PCCA: variants seen among roughly 807,000 people sequenced by gnomAD.
PCCA encodes propionyl-CoA carboxylase subunit alpha.
In PCCA, 74 loss-of-function variants were observed where a neutral mutation model predicts 101.3. That is an observed-to-expected ratio of 0.73 (90% CI 0.61 to 0.89). The LOEUF is 0.89. Among genes scored for constraint, PCCA ranks in the 40% least tolerant of loss-of-function variants. The probability of loss-of-function intolerance (pLI) is 0.00; values close to 1 mark genes in which losing one functional copy is unlikely to be tolerated. For missense variants in PCCA, 891 were observed against 907.0 expected (o/e 0.98, Z 0.23); for synonymous variants, 294 against 313.6 (o/e 0.94, Z 0.66).
chr13:100,440,209 T>TATATATATATA (rs1348343858), intron 20 of PCCA, among the ~76,000 whole-genome samples: 3 of 107,492 alleles, frequency 2.8e-5, no homozygotes, highest in African/African-American at 3.9e-5. Context: ...TATATATATA[T>TATATATATATA]AAAACGTGAT....
chr13:100,199,311 T>G (rs1594687204), intron 6 of PCCA, among the ~76,000 whole-genome samples: 1 of 152,170 alleles, frequency 6.6e-6, no homozygotes, highest in Admixed American at 6.6e-5. Context: ...TAAAAATAAT[T>G]TTATTGTCCA....
intron 17 of PCCA, among the ~76,000 whole-genome samples, chr13:100,335,102 A>C (rs2070234239): frequency 6.6e-6 from 1 of 152,222 alleles, no homozygotes; most frequent in Admixed American, 6.5e-5. Context: ...TACATAGGAA[A>C]GAATTTGACT....
intron 11 of PCCA, among the ~76,000 whole-genome samples, chr13:100,270,413 T>C (rs75175325): frequency 0.015 from 2,243 of 152,272 alleles, 65 homozygotes; most frequent in African/African-American, 0.051. Flanking sequence ...CTTGACTGAT[T>C]ATCAATTCCA....
chr13:100,473,957 C>T (rs1197954384), intron 21 of PCCA, among the ~76,000 whole-genome samples: 1 of 152,168 alleles, frequency 6.6e-6, no homozygotes, highest in Non-Finnish European at 1.5e-5. Context: ...CTTACTGTGA[C>T]TTTTTTGTGG....
chr13:100,494,189 AAAATAAAT>A (rs3058405), intron 21 of PCCA, among the ~76,000 whole-genome samples: 3 of 151,850 alleles, frequency 2.0e-5, no homozygotes, highest in Admixed American at 6.6e-5. Context: ...TCTGTCTCAA[AAAATAAAT>A]AAATAAATAA....
chr13:100,422,099 TTTC>T (rs1212199411), intron 19 of PCCA, among the ~76,000 whole-genome samples: 1,782 of 141,714 alleles, frequency 0.013, 53 homozygotes, highest in African/African-American at 0.049. Flanking sequence ...TCTTTCTTTC[TTTC>T]TTTCTTTCTT....
chr13:100,213,164 ATGTTGGCTATTGTGGATAGTGT>A (rs2059325328), intron 7 of PCCA, among the ~76,000 whole-genome samples: 1 of 152,174 alleles, frequency 6.6e-6, no homozygotes, highest in African/African-American at 2.4e-5. Context: ...TTGCTTCCAA[ATGTTGGCTATTGTGGATAGTGT>A]TGTGGTAAAC....
At chr13:100,492,142 T>TC (rs1224356333) in intron 21 of PCCA, among the ~76,000 whole-genome samples, 1 of 145,262 alleles carries the variant, frequency 6.9e-6, no homozygotes, top group African/African-American at 2.5e-5. Context: ...TCTCTCTCTC[T>TC]TTTTTTTTTT....
chr13:100,178,049 T>TC (rs2056405806), intron 6 of PCCA, among the ~76,000 whole-genome samples: 1 of 152,156 alleles, frequency 6.6e-6, no homozygotes, highest in Admixed American at 6.5e-5. Flanking sequence ...TTTTCAGTAT[T>TC]CCCAGACTTC....
At chr13:100,281,858 A>C (rs1006293108) in intron 12 of PCCA, among the ~76,000 whole-genome samples, 1 of 152,226 alleles carries the variant, frequency 6.6e-6, no homozygotes, top group Admixed American at 6.5e-5. Context: ...AAATAATGCA[A>C]TTATGAGTGA....
intron 21 of PCCA, among the ~76,000 whole-genome samples, chr13:100,496,864 T>C (rs918514533): frequency 1.9e-4 from 29 of 152,264 alleles, no homozygotes; most frequent in African/African-American, 3.4e-4. Flanking sequence ...GAGGATACTG[T>C]AGAAGGACAT....
intron 17 of PCCA, among the ~76,000 whole-genome samples, chr13:100,337,726 G>A (rs1216163071): frequency 6.6e-6 from 1 of 152,192 alleles, no homozygotes; most frequent in East Asian, 1.9e-4. Flanking sequence ...TAGACCAGAT[G>A]AAATACTGAT....
At chr13:100,176,215 G>T (rs562491211) in intron 6 of PCCA, among the ~76,000 whole-genome samples, 2 of 152,212 alleles carry the variant, frequency 1.3e-5, no homozygotes, top group South Asian at 4.2e-4. Context: ...CAGTGTTGTT[G>T]GGGATAGAGA....
intron 7 of PCCA, among the ~76,000 whole-genome samples, chr13:100,212,864 AT>A (rs1181734497): frequency 1.1e-3 from 171 of 149,812 alleles, no homozygotes; most frequent in African/African-American, 4.1e-3. Flanking sequence ...CCATCCCCAC[AT>A]CACCCACCCC....
At chr13:100,178,214 A>G (rs2056422932) in intron 6 of PCCA, among the ~76,000 whole-genome samples, 1 of 152,222 alleles carries the variant, frequency 6.6e-6, no homozygotes, top group Non-Finnish European at 1.5e-5. Context: ...GGTAGATTTT[A>G]TTTCAACTTA....
At chr13:100,309,343 G>A (rs566210053) in intron 15 of PCCA, among the ~76,000 whole-genome samples, 118 of 152,348 alleles carry the variant, frequency 7.7e-4, no homozygotes, top group African/African-American at 2.7e-3. Context: ...GTTGCAGTGA[G>A]CTGAGATTGC....
At chr13:100,459,092 A>G (rs962264019) in intron 21 of PCCA, among the ~76,000 whole-genome samples, 3 of 152,080 alleles carry the variant, frequency 2.0e-5, no homozygotes, top group African/African-American at 4.8e-5. Context: ...GCTTGTGGCT[A>G]TGTAATTCCA....
At chr13:100,369,778 A>G (rs2075446282) in intron 19 of PCCA, among the ~76,000 whole-genome samples, 2 of 152,200 alleles carry the variant, frequency 1.3e-5, no homozygotes, top group Non-Finnish European at 2.9e-5. Context: ...CATTCCACCT[A>G]TTGACATGGT....
chr13:100,118,617 A>G (rs1175011414), intron 4 of PCCA, among the ~76,000 whole-genome samples: 3 of 152,000 alleles, frequency 2.0e-5, no homozygotes, highest in Admixed American at 6.6e-5. Flanking sequence ...TGGTGAGATT[A>G]TAACTCACTG....
Sources: gnomAD v4.1 joint callset for allele counts (sites outside exome capture counted in the v4.1 genomes callset) on GRCh38, gnomAD v4.1.1 for gene constraint, MANE v1.5 for transcripts, NCBI Gene and HGNC (gene_info 2026-07-23, HGNC 2026-07-21) for gene names.